The following SOX5 variants were observed in gnomAD, a reference collection of about 807,000 sequenced individuals.
SOX5 encodes the protein SRY-box transcription factor 5.
Under a neutral mutation model 92.0 loss-of-function variants are expected in SOX5, and 9 were observed. That is an observed-to-expected ratio of 0.10 (90% confidence interval 0.06 to 0.17). SOX5 has a LOEUF of 0.17. Among genes scored for constraint, SOX5 ranks in the 10% least tolerant of loss-of-function variants. SOX5 has a pLI of 1.00. For synonymous variants in SOX5, 344 were observed against 336.3 expected (o/e 1.02, Z -0.25); for missense variants, 642 against 944.5 (o/e 0.68, Z 4.20).
intron 1 of SOX5, among the ~76,000 whole-genome samples, chr12:23,933,699 G>A (rs1445246635): frequency 1.3e-5 from 2 of 151,432 alleles, no homozygotes; most frequent in Non-Finnish European, 3.0e-5. Flanking sequence ...TTACAATATC[G>A]AATTCTAGGG....
At chr12:23,703,727 GACACACACACAC>G (rs61366137) in intron 6 of SOX5, among the ~76,000 whole-genome samples, 4 of 148,716 alleles carry the variant, frequency 2.7e-5, no homozygotes, top group Non-Finnish European at 4.5e-5. Context: ...TTTCTCAGGG[GACACACACACAC>G]ACACACACAC....
chr12:24,421,404 A>G (rs1965894317), intron 1 of SOX5, among the ~76,000 whole-genome samples: 1 of 152,258 alleles, frequency 6.6e-6, no homozygotes, highest in Admixed American at 6.5e-5. Context: ...ATTTGTTACT[A>G]GCAGTTAAAA....
At chr12:24,412,346 T>C (rs572869825) in intron 1 of SOX5, among the ~76,000 whole-genome samples, 40 of 152,088 alleles carry the variant, frequency 2.6e-4, no homozygotes, top group Non-Finnish European at 3.8e-4. Flanking sequence ...ACAGCTCTTC[T>C]TTAGGTTCTT....
At chr12:23,734,902 C>A in intron 5 of SOX5, 150 bp from the exon 6 acceptor site, 1 of 601,232 alleles carries the variant, frequency 1.7e-6, no homozygotes, top group Non-Finnish European at 2.9e-6. Flanking sequence ...GCAATTCATC[C>A]TAAATAAGAT....
chr12:23,987,306 G>A (rs180674409), intron 4 of SOX5, among the ~76,000 whole-genome samples: 1 of 152,302 alleles, frequency 6.6e-6, no homozygotes, highest in East Asian at 1.9e-4. Context: ...TTTAGGCTGG[G>A]ATCTGACTAG....
At chr12:23,535,428 T>C (rs1940148396) in intron 14 of SOX5, among the ~76,000 whole-genome samples, 1 of 152,214 alleles carries the variant, frequency 6.6e-6, no homozygotes, top group Non-Finnish European at 1.5e-5. Flanking sequence ...GGTTTAAAGT[T>C]GTGCTGCCAC....
At chr12:23,897,130 G>A (rs1472735193) in intron 1 of SOX5, among the ~76,000 whole-genome samples, 1 of 152,100 alleles carries the variant, frequency 6.6e-6, no homozygotes, top group Non-Finnish European at 1.5e-5. Context: ...CAAACAAAGA[G>A]TGTTTACAAA....
At position 23,534,352 on chromosome 12, in the gene SOX5, G is replaced by C. The variant is rs1339560028; in HGVS notation, c.2159C>G (p.Pro720Arg). 2 of 1,613,970 alleles carry C rather than the reference G, an allele frequency of 1.2e-6. No homozygotes were observed. Among genetic ancestry groups the C allele is most frequent in the Non-Finnish European group, 1.7e-6 (2 of 1,180,018 alleles). ...GGCCTGTATCTCTTCTTTGATATGT[G>C]GCTCCTCTCCTTTCACACCGTAAGT... ...QSTYGVKGEE[P>R]HIKEEIQAED... Residue 720 changes from proline (P) to arginine (R), a missense_variant, in exon 15 of 15, where the codon CCA (proline) becomes CGA (arginine). Transcript: ENST00000451604.
At chr12:24,096,302 A>G (rs936772906) in intron 4 of SOX5, among the ~76,000 whole-genome samples, 9 of 152,190 alleles carry the variant, frequency 5.9e-5, no homozygotes, top group Non-Finnish European at 1.3e-4. Flanking sequence ...GTGGTAAAAT[A>G]CACACAACAT....
rs149434366 is a variant in SOX5 at position 24,555,259 on chromosome 12, G to A, written c.-251+7070C>T. ...TACTCAACTGAATAGAAAGCCTAGA[G>A]AGGTAAGGAAATGAAGAGAGTTCTG... On this transcript the variant is annotated intron_variant, in intron 1 of 4. Coordinates refer to the SOX5 transcript ENST00000446891. Among the ~76,000 whole-genome samples, 624 of 152,320 alleles carry A rather than the reference G, an allele frequency of 4.1e-3. 10 individuals carry two copies. Among genetic ancestry groups the A allele is most frequent in the South Asian group, 0.031 (147 of 4,818 alleles).
chr12:23,971,340 T>C (rs989122223), intron 4 of SOX5, among the ~76,000 whole-genome samples: 2 of 151,502 alleles, frequency 1.3e-5, no homozygotes, highest in African/African-American at 4.9e-5. Context: ...GCCAGGAAGG[T>C]CTAGATCTCC....
At chr12:24,143,294 C>G (rs1950763217) in intron 4 of SOX5, among the ~76,000 whole-genome samples, 1 of 152,066 alleles carries the variant, frequency 6.6e-6, no homozygotes, top group Non-Finnish European at 1.5e-5. Context: ...TTCACCAAAT[C>G]TGGTATCCAA....
chr12:23,735,658 T>C (rs2093562755), intron 5 of SOX5, among the ~76,000 whole-genome samples: 1 of 152,198 alleles, frequency 6.6e-6, no homozygotes, highest in Non-Finnish European at 1.5e-5. Flanking sequence ...CAGGTCCATT[T>C]ATTGAGAAAC....
At chr12:24,173,854 C>T (rs1954482364) in intron 4 of SOX5, among the ~76,000 whole-genome samples, 1 of 152,082 alleles carries the variant, frequency 6.6e-6, no homozygotes, top group African/African-American at 2.4e-5. Flanking sequence ...CAGTTACTAC[C>T]AGCCGTGGAA....
chr12:24,416,685 A>C (rs1035367578), intron 1 of SOX5, among the ~76,000 whole-genome samples: 2 of 152,238 alleles, frequency 1.3e-5, no homozygotes, highest in African/African-American at 4.8e-5. Flanking sequence ...AATGAGGTCC[A>C]CACAGTTGAA....
chr12:23,590,442 C>T (rs1951372548), intron 9 of SOX5, among the ~76,000 whole-genome samples: 1 of 151,940 alleles, frequency 6.6e-6, no homozygotes, highest in Non-Finnish European at 1.5e-5. Flanking sequence ...TTTATTCATT[C>T]ATACCTATGT....
chr12:24,408,058 C>G (rs1055664712), intron 1 of SOX5, among the ~76,000 whole-genome samples: 5 of 152,012 alleles, frequency 3.3e-5, no homozygotes, highest in African/African-American at 1.2e-4. Context: ...AATGAGCAGG[C>G]CAGAGAAAGG....
intron 6 of SOX5, among the ~76,000 whole-genome samples, chr12:23,721,502 A>C (rs781400298): frequency 1.7e-4 from 25 of 150,930 alleles, no homozygotes; most frequent in African/African-American, 5.6e-4. Context: ...ACCCTCATCA[A>C]AAAAAAAAAC....
chr12:24,349,420 A>T (rs569071063), intron 2 of SOX5, among the ~76,000 whole-genome samples: 12 of 152,254 alleles, frequency 7.9e-5, no homozygotes, highest in Admixed American at 6.5e-4. Context: ...CCCTTTGACA[A>T]TAAGTCAATT....
Sources: allele counts gnomAD v4.1 joint callset (sites outside exome capture counted in the v4.1 genomes callset), GRCh38; gene constraint gnomAD v4.1.1; transcripts MANE v1.5; gene names NCBI Gene and HGNC (gene_info 2026-07-23, HGNC 2026-07-21).